The following DCAF8L2 variants were observed in gnomAD, a reference collection of about 807,000 sequenced individuals.
DCAF8L2 encodes the protein DDB1- and CUL4-associated factor 8-like protein 2.
For missense variants in DCAF8L2, 430 were observed against 490.7 expected, an observed-to-expected ratio of 0.88 and a Z score of 1.17; for synonymous variants, 200 against 190.9, an observed-to-expected ratio of 1.05 and a Z score of -0.39.
the DCAF8L2 span, among the ~76,000 whole-genome samples, chrX:27,486,551 C>G: frequency 1.8e-5 from 2 of 111,291 alleles, no homozygotes; most frequent in African/African-American, 6.5e-5. Flanking sequence ...ATGTTCAGTT[C>G]AATGATTTTT....
chrX:27,627,824 T>C (rs1224309460), intron 1 of DCAF8L2, among the ~76,000 whole-genome samples: 3 of 108,870 alleles, frequency 2.8e-5, no homozygotes, highest in Non-Finnish European at 3.8e-5. Context: ...AACCAGGGAA[T>C]TGGAGGTTTC....
intron 2 of DCAF8L2, among the ~76,000 whole-genome samples, chrX:27,667,253 G>C (rs982389847): frequency 9.0e-6 from 1 of 111,424 alleles, no homozygotes; most frequent in Non-Finnish European, 1.9e-5. Context: ...TGACTGGTTG[G>C]TTCTTTATTT....
At position 27,664,626 on chromosome X, in the gene DCAF8L2, G is replaced by A. The variant is rs77405438; in HGVS notation, c.-219-13210G>A. ...CAGCCTTCTATTGGAAGAAGAGGCC[G>A]TCTAGGACATTGATAGCCAGAGAGA... is the stretch of plus-strand genomic sequence containing the variant. On this transcript the variant is annotated intron_variant, in intron 2 of 4. Coordinates refer to ENST00000451261, the MANE Select transcript of DCAF8L2 (RefSeq NM_001353450.2). Among the ~76,000 whole-genome samples the A allele has an allele frequency of 6.9e-4, 77 of 112,095 alleles. 1 individual carries two copies. The highest frequency in any genetic ancestry group is 4.5e-3 in the South Asian group (12 of 2,684).
At chrX:27,695,023 T>G (rs1018028215) in intron 3 of DCAF8L2, among the ~76,000 whole-genome samples, 7 of 112,178 alleles carry the variant, frequency 6.2e-5, no homozygotes, top group African/African-American at 2.3e-4. Context: ...CTTTTCTACC[T>G]CAACCACATC....
chrX:27,575,129 C>T, the DCAF8L2 span, among the ~76,000 whole-genome samples: 6 of 111,580 alleles, frequency 5.4e-5, no homozygotes, highest in South Asian at 1.5e-3. Flanking sequence ...TCGACGGCCC[C>T]GGCTCTCCTC....
At chrX:27,653,296 T>C (rs1602701352) in intron 2 of DCAF8L2, among the ~76,000 whole-genome samples, 1 of 111,963 alleles carries the variant, frequency 8.9e-6, no homozygotes. Flanking sequence ...AGTTGACTGT[T>C]ATGTGGGCAT....
At chrX:27,718,274 A>G (rs1437961959) in intron 4 of DCAF8L2, among the ~76,000 whole-genome samples, 1 of 111,874 alleles carries the variant, frequency 8.9e-6, no homozygotes, top group Non-Finnish European at 1.9e-5. Context: ...ATCATGTACT[A>G]TGCAGTCTTT....
At chrX:27,618,903 CTA>C (rs1382719705) in intron 1 of DCAF8L2, among the ~76,000 whole-genome samples, 4 of 110,450 alleles carry the variant, frequency 3.6e-5, no homozygotes, top group African/African-American at 9.9e-5. Context: ...ATAACAAAGA[CTA>C]TGCAAAATGT....
At chrX:27,532,363 A>G in the DCAF8L2 span, among the ~76,000 whole-genome samples, 1 of 111,780 alleles carries the variant, frequency 8.9e-6, no homozygotes, top group Non-Finnish European at 1.9e-5. Flanking sequence ...CCAATCTGAA[A>G]GGGCTTCCAC....
chrX:27,541,751 T>C, the DCAF8L2 span, among the ~76,000 whole-genome samples: 1 of 111,316 alleles, frequency 9.0e-6, no homozygotes, highest in Admixed American at 9.6e-5. Context: ...GGGTTTATTG[T>C]ATGATGCTGA....
chrX:27,588,614 TC>T (rs1925960743), upstream of DCAF8L2, among the ~76,000 whole-genome samples: 1 of 109,591 alleles, frequency 9.1e-6, no homozygotes, highest in Non-Finnish European at 1.9e-5. Context: ...GTATAAACCT[TC>T]CCTTTTATCT....
At chrX:27,719,530 C>T (rs1931819651) in intron 4 of DCAF8L2, among the ~76,000 whole-genome samples, 1 of 105,086 alleles carries the variant, frequency 9.5e-6, no homozygotes, top group Non-Finnish European at 1.9e-5. Context: ...CTGAAACCTC[C>T]GCCTCCTGGG....
In DCAF8L2 at chrX:27,748,253, A is replaced by G. The variant is rs185264593; in HGVS notation, c.1358A>G (p.His453Arg). 1.5e-4 allele frequency: 180 copies of G among 1,209,920 alleles called. No individual in the cohort carries two copies. In the African/African-American group the frequency reaches 2.7e-3, roughly 18 times the overall value. ...DDDIYLFNSS[H>R]SDGAQYSKRF... ...GATATTTACCTCTTCAACTCCTCTC[A>G]CAGTGATGGTGCTCAATACAGTAAG... The change falls in exon 5 of 5, where the codon CAC (histidine) becomes CGC (arginine). Residue 453 changes from histidine (H) to arginine (R), a missense_variant. Coordinates refer to ENST00000451261, the MANE Select transcript of DCAF8L2 (RefSeq NM_001353450.2).
chrX:27,504,607 C>T, the DCAF8L2 span, among the ~76,000 whole-genome samples: 1 of 110,842 alleles, frequency 9.0e-6, no homozygotes, highest in Non-Finnish European at 1.9e-5. Flanking sequence ...TCTCATCACT[C>T]CAAATTTTTA....
the DCAF8L2 span, among the ~76,000 whole-genome samples, chrX:27,522,208 G>A: frequency 9.0e-6 from 1 of 111,445 alleles, no homozygotes; most frequent in African/African-American, 3.3e-5. Context: ...TGTATTTTTA[G>A]TAGAGACGGG....
chrX:27,471,279 G>A, the DCAF8L2 span, among the ~76,000 whole-genome samples: 4 of 111,709 alleles, frequency 3.6e-5, no homozygotes, highest in South Asian at 3.7e-4. Context: ...AATACAATAC[G>A]TGGCATTTAT....
chrX:27,559,714 G>C, the DCAF8L2 span, among the ~76,000 whole-genome samples: 2 of 111,434 alleles, frequency 1.8e-5, no homozygotes, highest in South Asian at 7.7e-4. Context: ...AGTCAGGTAG[G>C]TCACTGTCTA....
At chrX:27,589,722 G>A (rs945714609), upstream of DCAF8L2, among the ~76,000 whole-genome samples, 6 of 111,779 alleles carry the variant, frequency 5.4e-5, no homozygotes, top group African/African-American at 1.6e-4. Flanking sequence ...AAGTAATGTT[G>A]GATTTGACAG....
chrX:27,614,054 A>T (rs1297949180), intron 1 of DCAF8L2, among the ~76,000 whole-genome samples: 1 of 111,522 alleles, frequency 9.0e-6, no homozygotes, highest in Non-Finnish European at 1.9e-5. Context: ...TACCTCTGGT[A>T]GAATTCGGCT....
Sources: gnomAD v4.1 joint callset for allele counts (sites outside exome capture counted in the v4.1 genomes callset) on GRCh38, gnomAD v4.1.1 for gene constraint, MANE v1.5 for transcripts, NCBI Gene and HGNC (gene_info 2026-07-23, HGNC 2026-07-21) for gene names.